SNX29: variants seen among roughly 807,000 people sequenced by gnomAD.
SNX29 encodes the protein sorting nexin 29.
In SNX29, 78 loss-of-function variants were observed where a neutral mutation model predicts 102.1. That is an observed-to-expected ratio of 0.76 (90% CI 0.64 to 0.92). The LOEUF (loss-of-function observed/expected upper bound fraction) is 0.92. Among genes scored for constraint, SNX29 ranks in the 40% least tolerant of loss-of-function variants. The probability of loss-of-function intolerance (pLI) is 0.00; values close to 1 mark genes in which losing one functional copy is unlikely to be tolerated. For missense variants in SNX29, 1,280 were observed against 1,061.7 expected (o/e 1.21, Z -2.86); for synonymous variants, 580 against 414.5 (o/e 1.40, Z -4.85).
At chr16:12,452,157 A>T (rs941491898) in intron 18 of SNX29, among the ~76,000 whole-genome samples, 1 of 152,184 alleles carries the variant, frequency 6.6e-6, no homozygotes, top group African/African-American at 2.4e-5. Context: ...AGCTCAGTGC[A>T]AGTTCTAGCT....
At chr16:12,230,881 C>T (rs2077749587) in intron 14 of SNX29, among the ~76,000 whole-genome samples, 2 of 152,146 alleles carry the variant, frequency 1.3e-5, no homozygotes, top group South Asian at 2.1e-4. Context: ...GAGTCTCTCT[C>T]TGTCACCCAG....
intron 18 of SNX29, among the ~76,000 whole-genome samples, chr16:12,466,920 C>T (rs2087080272): frequency 6.6e-6 from 1 of 152,192 alleles, no homozygotes; most frequent in African/African-American, 2.4e-5. Flanking sequence ...TGGTCCAGTC[C>T]ATGGCATATC....
At chr16:12,567,611 T>C (rs2079065416) in intron 20 of SNX29, among the ~76,000 whole-genome samples, 2 of 151,924 alleles carry the variant, frequency 1.3e-5, no homozygotes, top group East Asian at 3.9e-4. Flanking sequence ...CTACAAAAAA[T>C]TACACTCAGG....
chr16:12,134,773 A>G (rs2054598550), intron 13 of SNX29, among the ~76,000 whole-genome samples: 1 of 152,202 alleles, frequency 6.6e-6, no homozygotes, highest in Non-Finnish European at 1.5e-5. Flanking sequence ...TACACTCATC[A>G]GGTATCTGCT....
intron 16 of SNX29, among the ~76,000 whole-genome samples, chr16:12,361,608 T>C (rs2082300977): frequency 6.6e-6 from 1 of 152,168 alleles, no homozygotes. Flanking sequence ...ATGATGCAAC[T>C]CTCCCAGCAT....
chr16:12,333,738 A>C (rs1256796166), intron 15 of SNX29, among the ~76,000 whole-genome samples: 3 of 152,052 alleles, frequency 2.0e-5, no homozygotes, highest in African/African-American at 7.2e-5. Flanking sequence ...TTATTACTTC[A>C]GCCATTATCT....
intron 13 of SNX29, among the ~76,000 whole-genome samples, chr16:12,162,261 G>C (rs1365074621): frequency 1.3e-5 from 2 of 152,166 alleles, no homozygotes; most frequent in Admixed American, 1.3e-4. Flanking sequence ...GGCCTCGTCT[G>C]TTTACCCTCT....
At chr16:12,384,928 T>C (rs776366351) in intron 16 of SNX29, among the ~76,000 whole-genome samples, 80 of 152,292 alleles carry the variant, frequency 5.3e-4, no homozygotes, top group Non-Finnish European at 1.1e-3. Flanking sequence ...CCCAGCACTT[T>C]GGGAGGCCGA....
chr16:12,506,631 G>T (rs2089393183), intron 19 of SNX29, among the ~76,000 whole-genome samples: 1 of 152,198 alleles, frequency 6.6e-6, no homozygotes, highest in South Asian at 2.1e-4. Context: ...AGAAATCACT[G>T]AGCTTTCTAG....
intron 10 of SNX29, among the ~76,000 whole-genome samples, chr16:12,073,284 T>G (rs2051383916): frequency 6.6e-6 from 1 of 152,266 alleles, no homozygotes; most frequent in African/African-American, 2.4e-5. Flanking sequence ...TTTTGGATCT[T>G]TCCTGCTTTC....
rs370890967 is a variant in SNX29 at position 12,477,890 on chromosome 16, C to T, written c.2178+31C>T. On this transcript the variant is annotated intron_variant, in intron 19 of 20. Coordinates refer to ENST00000566228, the MANE Select transcript of SNX29 (RefSeq NM_032167.5). ...ATCCCGTGCTGGGAAGCCCACTTGT[C>T]ACTGCCTGCGTTAAAATGGATTATT... is the stretch of plus-strand genomic sequence containing the variant. The T allele has an allele frequency of 3.8e-5, 59 of 1,553,926 alleles. No homozygotes were observed. In the African/African-American group the frequency reaches 7.2e-4, roughly 19 times the overall value.
intron 16 of SNX29, among the ~76,000 whole-genome samples, chr16:12,390,791 G>A (rs1326333619): frequency 6.6e-6 from 1 of 151,742 alleles, no homozygotes; most frequent in African/African-American, 2.4e-5. Flanking sequence ...CAGGAGGGAA[G>A]TAAGGCCCAG....
At chr16:12,332,359 G>A (rs1338724232) in intron 15 of SNX29, among the ~76,000 whole-genome samples, 1 of 152,160 alleles carries the variant, frequency 6.6e-6, no homozygotes, top group Non-Finnish European at 1.5e-5. Context: ...ATTTTCCATA[G>A]TTTCTGAGCA....
At chr16:12,368,187 A>AGG in intron 16 of SNX29, among the ~76,000 whole-genome samples, 1 of 152,286 alleles carries the variant, frequency 6.6e-6, no homozygotes, top group East Asian at 1.9e-4. Flanking sequence ...GGGACCCATG[A>AGG]GGGGCTGGAC....
At chr16:12,378,353 G>A (rs563326829) in intron 16 of SNX29, among the ~76,000 whole-genome samples, 5 of 152,210 alleles carry the variant, frequency 3.3e-5, no homozygotes, top group Admixed American at 2.6e-4. Context: ...ACCAGCTCTT[G>A]GAGAAATAAA....
At chr16:12,373,091 T>C (rs1235108524) in intron 16 of SNX29, 2 of 152,222 alleles carry the variant, frequency 1.3e-5, no homozygotes, top group Non-Finnish European at 2.9e-5. Context: ...TGTAAGTCTC[T>C]TTTTAGAGTC....
chr16:12,075,826 G>A (rs1019567835), intron 10 of SNX29, among the ~76,000 whole-genome samples: 8 of 152,344 alleles, frequency 5.3e-5, no homozygotes, highest in South Asian at 2.1e-4. Flanking sequence ...CACCCAGTTC[G>A]AGCTTCCTGG....
At chr16:12,541,051 A>C (rs888546893) in intron 20 of SNX29, among the ~76,000 whole-genome samples, 1 of 152,096 alleles carries the variant, frequency 6.6e-6, no homozygotes, top group Admixed American at 6.5e-5. Flanking sequence ...TCTGGCTGCT[A>C]TTTAGTTTCC....
At chr16:12,465,962 C>T (rs940341494) in intron 18 of SNX29, among the ~76,000 whole-genome samples, 1 of 151,932 alleles carries the variant, frequency 6.6e-6, no homozygotes, top group East Asian at 1.9e-4. Flanking sequence ...TTCATGATAA[C>T]CCCCCAATGA....
Sources: allele counts gnomAD v4.1 joint callset (sites outside exome capture counted in the v4.1 genomes callset), GRCh38; gene constraint gnomAD v4.1.1; transcripts MANE v1.5; gene names NCBI Gene and HGNC (gene_info 2026-07-23, HGNC 2026-07-21).